Variants in EPS8L3 observed in about 807,000 individuals in gnomAD.
The protein encoded by EPS8L3 is epidermal growth factor receptor kinase substrate 8-like protein 3.
EPS8L3 carries 80 observed loss-of-function variants against 88.5 expected under a neutral mutation model. The ratio of observed to expected loss-of-function variants is 0.90; its 90% CI spans 0.75 to 1.09. The LOEUF (loss-of-function observed/expected upper bound fraction) is 1.09. EPS8L3 is among the 50% of genes least tolerant of loss of function. EPS8L3 has a pLI of 0.00. For synonymous variants in EPS8L3, 286 were observed against 291.0 expected (o/e 0.98, Z 0.18); for missense variants, 721 against 735.2 (o/e 0.98, Z 0.22).
At chr1:109,755,630 C>G (rs1402336285) in intron 12 of EPS8L3, among the ~76,000 whole-genome samples, 4 of 151,976 alleles carry the variant, frequency 2.6e-5, no homozygotes, top group Non-Finnish European at 4.4e-5. Flanking sequence ...CATGGTGAAA[C>G]CCCATCTCTA....
rs1650599688 is a variant in EPS8L3 at position 109,758,989 on chromosome 1, A to T, written c.461+73T>A. The T allele has an allele frequency of 2.0e-6, 3 of 1,468,744 alleles. No homozygotes were observed. In the Admixed American group the frequency reaches 5.9e-5, roughly 29 times the overall value. The allele number at this position is 1,468,744 out of a possible 1,614,324, so 91.0% of individuals were successfully genotyped here. On this transcript the variant is annotated intron_variant, in intron 6 of 18. Coordinates refer to ENST00000361965, the MANE Select transcript of EPS8L3 (RefSeq NM_133181.4). ...GCCACAACCTCCTGGGTGCCCCAAGATATGGGGTCAGGGTCTGGCCCCCGA... is the reference window on the plus strand; with the variant it reads ...GCCACAACCTCCTGGGTGCCCCAAGTTATGGGGTCAGGGTCTGGCCCCCGA...
At chr1:109,754,314 C>T (rs1360988786) in intron 12 of EPS8L3, among the ~76,000 whole-genome samples, 1 of 152,176 alleles carries the variant, frequency 6.6e-6, no homozygotes, top group African/African-American at 2.4e-5. Context: ...TGGTCTCTGT[C>T]CTTCTGGATG....
At position 109,757,079 on chromosome 1, in the gene EPS8L3, G is replaced by A. The variant is rs770073670; in HGVS notation, c.1056C>T (p.Ser352=). The change falls in exon 12 of 19, where the codon TCC becomes TCT. Residue 352 remains serine, a synonymous_variant. Coordinates refer to ENST00000361965, the MANE Select transcript of EPS8L3 (RefSeq NM_133181.4). ...GGTTACTCTCAGGTGGGCTTAGACA[G>A]GACTGTAGCAGGTTGATAGCTTTAG... The part of the protein sequence containing the change: ...LTPKAINLLQ[S]CLSPPESNLW... 12 of 1,614,066 alleles carry A rather than the reference G, an allele frequency of 7.4e-6. No homozygotes were observed. The Admixed American group carries it at 2.0e-4, about 27-fold the overall frequency.
Position 109,750,353 on chromosome 1 carries a change from C to A in EPS8L3, c.*38G>T. The A allele has an allele frequency of 6.2e-7, 1 of 1,612,834 alleles. No homozygotes were observed. Among genetic ancestry groups the A allele is most frequent in the South Asian group, 1.1e-5 (1 of 90,752 alleles). ...GGGTATCAGATCTGCCATCTTGCAT[C>A]AGCGGGGCCTGGTTCTTGGAGGTGT... On this transcript the variant is annotated 3_prime_UTR_variant, in exon 19 of 19. Coordinates refer to ENST00000361965, the MANE Select transcript of EPS8L3 (RefSeq NM_133181.4).
intron 12 of EPS8L3, among the ~76,000 whole-genome samples, chr1:109,755,876 T>C (rs1287000912): frequency 6.6e-6 from 1 of 152,254 alleles, no homozygotes. Context: ...CTCATTTCCC[T>C]GTTGGCTTTT....
rs763397940 is a variant in EPS8L3, at chr1:109,750,686, G to C, written c.1744C>G (p.Leu582Val). The change falls in exon 18 of 19, where the codon CTG becomes GTG. Residue 582 changes from leucine to valine, a missense_variant. Leu to Val is a conservative substitution (Grantham distance 32). Transcript: ENST00000361965. ...CCCAGCATCCTTCTGACAGCCTCCA[G>C]CCGGGACAGGATTCGTGGGGCCTCC... ...PQEAPRILSR[L>V]EAVRRMLGIS... 1 of 1,614,238 alleles carries C rather than the reference G, an allele frequency of 6.2e-7. No individual in the cohort carries two copies. Among genetic ancestry groups the C allele is most frequent in the South Asian group, 1.1e-5 (1 of 91,082 alleles).
At chr1:109,763,072 TGA>T (rs1420378730) in intron 1 of EPS8L3, among the ~76,000 whole-genome samples, 19 of 152,290 alleles carry the variant, frequency 1.2e-4, no homozygotes, top group Non-Finnish European at 2.2e-4. Context: ...GGGTAACATG[TGA>T]GAGAGCAACC....
Position 109,752,666 on chromosome 1 carries a change from C to T in EPS8L3, c.1235+20G>A. On this transcript the variant is annotated intron_variant, in intron 14 of 18. Coordinates refer to ENST00000361965, the MANE Select transcript of EPS8L3 (RefSeq NM_133181.4). ...CTCCCTCCCCAGGACCACGCAGTCC[C>T]TATTAAGCTCAGAGCATACCGAAGG... The T allele has an allele frequency of 6.5e-7, 1 of 1,550,204 alleles. No homozygotes were observed. Among genetic ancestry groups the T allele is most frequent in the South Asian group, 1.2e-5 (1 of 84,018 alleles).
chr1:109,762,665 G>T (rs557129637), intron 1 of EPS8L3, among the ~76,000 whole-genome samples: 7 of 152,136 alleles, frequency 4.6e-5, no homozygotes, highest in Non-Finnish European at 1.0e-4. Flanking sequence ...TTCTAACGGC[G>T]TTACCTTCAG....
chr1:109,756,914 A>G, intron 12 of EPS8L3, 103 bp downstream of exon 12: 1 of 1,462,310 alleles, frequency 6.8e-7, no homozygotes, highest in South Asian at 1.2e-5. Context: ...GCTCTGAAAT[A>G]TTTCTGGTTT....
intron 3 of EPS8L3, among the ~76,000 whole-genome samples, chr1:109,760,784 A>G (rs1270200724): frequency 1.3e-5 from 2 of 151,988 alleles, no homozygotes; most frequent in Non-Finnish European, 1.5e-5. Flanking sequence ...CATTGGAGCC[A>G]CTAACAAGTG....
chr1:109,751,435 G>T, intron 16 of EPS8L3, 84 bp from the exon 17 acceptor site: 2 of 1,452,648 alleles, frequency 1.4e-6, no homozygotes, highest in Admixed American at 1.8e-5. Context: ...CCTTCTCCAG[G>T]TTCCCATCAA....
Position 109,759,130 on chromosome 1 carries a change from A to G in EPS8L3, c.406-13T>C, listed in dbSNP as rs756925951. ...TCAGTCGCTCTGCCTGGGAAGCAGC[A>G]GTCAGGCAGGCTAAGTGTGTGTGTG... is the stretch of plus-strand genomic sequence containing the variant. On this transcript the variant is annotated splice_polypyrimidine_tract_variant and intron_variant, in intron 5 of 18. Transcript: ENST00000361965. The surrounding 1 kb of genome is among the most constrained non-coding windows in gnomAD (Gnocchi z 4.2). 2 of 1,608,708 alleles carry G rather than the reference A, an allele frequency of 1.2e-6. No homozygotes were observed. Among genetic ancestry groups the G allele is most frequent in the Non-Finnish European group, 1.7e-6 (2 of 1,178,906 alleles).
rs1271483577 is a variant in EPS8L3 at position 109,750,657 on chromosome 1, C to T, written c.1770+3G>A. ...GGTTGTCAGGACCCCAGGGTGTCCT[C>T]ACCCCCAGCATCCTTCTGACAGCCT... On this transcript the variant is annotated splice_donor_region_variant and intron_variant, in intron 18 of 18. Coordinates refer to ENST00000361965, the MANE Select transcript of EPS8L3 (RefSeq NM_133181.4). 4 of 1,614,058 alleles carry T rather than the reference C, an allele frequency of 2.5e-6. No individual in the cohort carries two copies. The highest frequency in any genetic ancestry group is 3.4e-6 in the Non-Finnish European group (4 of 1,180,024).
chr1:109,754,769 T>G (rs1012886164), intron 12 of EPS8L3, among the ~76,000 whole-genome samples: 3 of 152,168 alleles, frequency 2.0e-5, no homozygotes, highest in African/African-American at 7.2e-5. Context: ...TGTTTTCCTC[T>G]CCTGCTAGTG....
chr1:109,753,983 A>G (rs1462655148), intron 12 of EPS8L3, among the ~76,000 whole-genome samples: 3 of 152,212 alleles, frequency 2.0e-5, no homozygotes, highest in Admixed American at 2.0e-4. Context: ...CCCCTAGTAC[A>G]GTGGCTGATA....
At chr1:109,755,256 TGTTTAATGG>T (rs535503963) in intron 12 of EPS8L3, among the ~76,000 whole-genome samples, 16 of 152,304 alleles carry the variant, frequency 1.1e-4, no homozygotes, top group Non-Finnish European at 1.5e-4. Context: ...GGGGAATTAT[TGTTTAATGG>T]GTACAGAATT....
intron 13 of EPS8L3, among the ~76,000 whole-genome samples, 189 bp downstream of exon 13, chr1:109,752,923 CTATGT>C (rs1649943840): frequency 6.6e-6 from 1 of 152,172 alleles, no homozygotes; most frequent in Admixed American, 6.5e-5. Context: ...GAAATTGAGC[CTATGT>C]CCCAGCCCTG....
intron 3 of EPS8L3, chr1:109,761,213 C>G (rs1012155207): frequency 1.8e-5 from 7 of 397,830 alleles, no homozygotes; most frequent in Admixed American, 1.1e-4. Context: ...TGCTTCTTAT[C>G]CCATCCTGCT....
Sources: gnomAD v4.1 joint callset for allele counts (sites outside exome capture counted in the v4.1 genomes callset) on GRCh38, gnomAD v4.1.1 for gene constraint, Gnocchi (gnomAD v3.1) non-coding constraint, MANE v1.5 for transcripts, NCBI Gene and HGNC (gene_info 2026-07-23, HGNC 2026-07-21) for gene names.